The following CHODL variants were observed in gnomAD, a reference collection of about 807,000 sequenced individuals.
CHODL encodes transmembrane protein MT75.
In CHODL, 29 loss-of-function variants were observed where a neutral mutation model predicts 34.5. That is an observed-to-expected ratio of 0.84 (90% CI 0.63 to 1.15). The LOEUF (loss-of-function observed/expected upper bound fraction) is 1.15. Among genes scored for constraint, CHODL ranks in the 50% most tolerant of loss-of-function variants. The probability of loss-of-function intolerance (pLI) is 0.00; values close to 1 mark genes in which losing one functional copy is unlikely to be tolerated. For synonymous variants in CHODL, 125 were observed against 116.1 expected, an observed-to-expected ratio of 1.08 and a Z score of -0.49; for missense variants, 332 against 332.5, an observed-to-expected ratio of 1.00 and a Z score of 0.01.
At chr21:18,237,455 G>A (rs2074038932) in intron 2 of CHODL, among the ~76,000 whole-genome samples, 1 of 152,114 alleles carries the variant, frequency 6.6e-6, no homozygotes, top group Admixed American at 6.6e-5. Flanking sequence ...ACATCCTTGA[G>A]TGTTAGCAAA....
chr21:18,066,491 G>A (rs1340217125), intron 2 of CHODL, among the ~76,000 whole-genome samples: 3 of 152,160 alleles, frequency 2.0e-5, no homozygotes, highest in Non-Finnish European at 4.4e-5. Context: ...ATGAATAAGA[G>A]ATCTTATCAC....
intron 5 of CHODL, among the ~76,000 whole-genome samples, chr21:18,264,658 A>G (rs1194589059): frequency 6.6e-6 from 1 of 151,680 alleles, no homozygotes; most frequent in Non-Finnish European, 1.5e-5. Context: ...ACTCAGGAAC[A>G]GGGAACTTCT....
At chr21:18,178,955 A>G (rs1050749101) in intron 2 of CHODL, among the ~76,000 whole-genome samples, 1 of 152,198 alleles carries the variant, frequency 6.6e-6, no homozygotes, top group African/African-American at 2.4e-5. Context: ...GCATCAGAGG[A>G]TGGAGCCAAT....
rs1600830460 is a variant in CHODL at position 17,956,240 on chromosome 21, T to A, written c.-145+38840T>A. On this transcript the variant is annotated intron_variant, in intron 1 of 6. Coordinates refer to the CHODL transcript ENST00000400127. ...AGTGAACTCTTGCACTGAATTCACATGAGATCTGGTCTTTTAAAAATGTGT... is the reference window on the plus strand; with the variant it reads ...AGTGAACTCTTGCACTGAATTCACAAGAGATCTGGTCTTTTAAAAATGTGT... 1.6e-5 allele frequency among the ~76,000 whole-genome samples: 2 copies of A among 128,350 alleles called. 1 individual carries two copies. The highest frequency in any genetic ancestry group is 5.2e-5 in the African/African-American group (2 of 38,306). The allele number at this position is 128,350 out of a possible 152,430, so 84.2% of individuals were successfully genotyped here.
chr21:18,153,395 T>A (rs573289552), intron 2 of CHODL, among the ~76,000 whole-genome samples: 41 of 152,184 alleles, frequency 2.7e-4, no homozygotes, highest in Non-Finnish European at 5.4e-4. Flanking sequence ...TCCTGGCTCA[T>A]GGTCACTTTT....
intron 1 of CHODL, among the ~76,000 whole-genome samples, chr21:17,941,736 A>G (rs970598314): frequency 6.6e-6 from 1 of 152,216 alleles, no homozygotes; most frequent in Admixed American, 6.5e-5. Context: ...GGCTACTATA[A>G]CAAAATACCA....
chr21:18,160,252 G>T (rs2073080426), intron 2 of CHODL, among the ~76,000 whole-genome samples: 1 of 152,170 alleles, frequency 6.6e-6, no homozygotes, highest in South Asian at 2.1e-4. Flanking sequence ...AAAGGAAGAA[G>T]AATTTAAAAA....
intron 2 of CHODL, among the ~76,000 whole-genome samples, chr21:18,233,656 C>T (rs983048091): frequency 5.9e-5 from 9 of 151,930 alleles, no homozygotes; most frequent in South Asian, 2.1e-4. Flanking sequence ...GCTAAAACAC[C>T]GGAGCCAATA....
At chr21:18,160,742 A>G (rs936518263) in intron 2 of CHODL, among the ~76,000 whole-genome samples, 4 of 152,202 alleles carry the variant, frequency 2.6e-5, no homozygotes, top group African/African-American at 9.6e-5. Context: ...ATTGATGGAC[A>G]TTTATGTTGA....
At chr21:18,009,704 T>C (rs1055643788) in intron 1 of CHODL, among the ~76,000 whole-genome samples, 1 of 151,584 alleles carries the variant, frequency 6.6e-6, no homozygotes, top group Non-Finnish European at 1.5e-5. Context: ...CTGGCTAACA[T>C]GGTGAAACCC....
intron 2 of CHODL, among the ~76,000 whole-genome samples, chr21:18,096,394 A>T (rs1412387025): frequency 6.6e-6 from 1 of 152,222 alleles, no homozygotes; most frequent in African/African-American, 2.4e-5. Context: ...GGCCGGGCAG[A>T]ACAGAGTCAT....
At chr21:18,100,353 G>A (rs1197192238) in intron 2 of CHODL, among the ~76,000 whole-genome samples, 1 of 152,016 alleles carries the variant, frequency 6.6e-6, no homozygotes, top group African/African-American at 2.4e-5. Flanking sequence ...TAAGGATAGA[G>A]CTAAGATTGA....
chr21:18,068,652 C>T (rs929339344), intron 2 of CHODL, among the ~76,000 whole-genome samples: 8 of 152,168 alleles, frequency 5.3e-5, no homozygotes, highest in Non-Finnish European at 1.0e-4. Context: ...TTGAAGTCCT[C>T]ATCTTACTTG....
chr21:18,193,712 A>T lies in CHODL; in HGVS notation c.-44-62797A>T, dbSNP rs200523062. On this transcript the variant is annotated intron_variant, in intron 2 of 6. Coordinates refer to the CHODL transcript ENST00000400127. ...CTCTGTCTCAGAAAAAAAAAAAAATAAAATAAATAAATAAATAAATAAATA... is the reference window on the plus strand; with the variant it reads ...CTCTGTCTCAGAAAAAAAAAAAAATTAAATAAATAAATAAATAAATAAATA... Among the ~76,000 whole-genome samples the T allele has an allele frequency of 2.3e-3, 316 of 139,320 alleles. 3 individuals are homozygous for T. Among genetic ancestry groups the T allele is most frequent in the African/African-American group, 7.5e-3 (265 of 35,552 alleles). The allele number at this position is 139,320 out of a possible 152,430, so 91.4% of individuals were successfully genotyped here.
chr21:18,251,410 T>TTTTA (rs1352541907), intron 1 of CHODL, among the ~76,000 whole-genome samples: 1 of 85,478 alleles, frequency 1.2e-5, no homozygotes, highest in Admixed American at 9.9e-5. Flanking sequence ...AAAATATGTA[T>TTTTA]TTTATTTATT....
intron 2 of CHODL, among the ~76,000 whole-genome samples, chr21:18,108,179 C>G (rs2065298089): frequency 6.7e-6 from 1 of 149,872 alleles, no homozygotes; most frequent in South Asian, 2.1e-4. Context: ...ACTGTATGAT[C>G]TATTAGCTCT....
At chr21:18,208,192 C>A (rs2073734759) in intron 2 of CHODL, among the ~76,000 whole-genome samples, 1 of 139,372 alleles carries the variant, frequency 7.2e-6, no homozygotes, top group Non-Finnish European at 1.5e-5. Flanking sequence ...TTGGTCTGCT[C>A]TGACTGTGCA....
chr21:18,102,491 A>G (rs1193852759), intron 2 of CHODL, among the ~76,000 whole-genome samples: 1 of 152,170 alleles, frequency 6.6e-6, no homozygotes, highest in Non-Finnish European at 1.5e-5. Flanking sequence ...GTATAAAAAT[A>G]TGTCAGTGAA....
chr21:17,993,429 C>G (rs897629548), intron 1 of CHODL, among the ~76,000 whole-genome samples: 1 of 152,122 alleles, frequency 6.6e-6, no homozygotes, highest in Non-Finnish European at 1.5e-5. Flanking sequence ...TCCCTGTGTT[C>G]TCATCAATTA....
Sources: allele counts gnomAD v4.1 joint callset (sites outside exome capture counted in the v4.1 genomes callset), GRCh38; gene constraint gnomAD v4.1.1; transcripts MANE v1.5; gene names NCBI Gene and HGNC (gene_info 2026-07-23, HGNC 2026-07-21).